AUTS2: variants seen among roughly 807,000 people sequenced by gnomAD.
AUTS2 encodes autism susceptibility gene 2 protein.
A neutral mutation model predicts 112.4 loss-of-function variants in AUTS2; 17 were observed. The observed-to-expected ratio is 0.15, with a 90% CI of 0.10 to 0.23. The LOEUF (loss-of-function observed/expected upper bound fraction) is 0.23, where lower values mean the gene tolerates loss of function less well. Among genes scored for constraint, AUTS2 ranks in the 10% least tolerant of loss-of-function variants. The pLI, the probability that AUTS2 is intolerant of heterozygous loss-of-function variation, is 1.00. For synonymous variants in AUTS2, 751 were observed against 702.7 expected, an observed-to-expected ratio of 1.07 and a Z score of -1.09; for missense variants, 1,510 against 1,701.6, an observed-to-expected ratio of 0.89 and a Z score of 1.98.
intron 2 of AUTS2, among the ~76,000 whole-genome samples, chr7:69,925,667 C>T (rs576370204): frequency 6.6e-6 from 1 of 152,096 alleles, no homozygotes; most frequent in African/African-American, 2.4e-5. Flanking sequence ...TTCAAGTGAT[C>T]CTCTCATATC....
chr7:70,483,445 T>C (rs926046034), intron 5 of AUTS2, among the ~76,000 whole-genome samples: 2 of 152,170 alleles, frequency 1.3e-5, no homozygotes, highest in African/African-American at 4.8e-5. Context: ...GCCCATGACT[T>C]AGATGTGTTA....
chr7:69,976,720 T>C (rs1279380001), intron 2 of AUTS2, among the ~76,000 whole-genome samples: 1 of 152,246 alleles, frequency 6.6e-6, no homozygotes, highest in Admixed American at 6.5e-5. Flanking sequence ...TGAGAATCTT[T>C]GTTGGCTACC....
At chr7:69,800,119 T>G (rs1336519383) in intron 1 of AUTS2, among the ~76,000 whole-genome samples, 1 of 152,172 alleles carries the variant, frequency 6.6e-6, no homozygotes, top group Admixed American at 6.5e-5. Context: ...ATCAAACCAG[T>G]GTAAGTCAGA....
At chr7:69,928,763 GGCAGCT>G (rs1168363143) in intron 2 of AUTS2, among the ~76,000 whole-genome samples, 1 of 152,034 alleles carries the variant, frequency 6.6e-6, no homozygotes, top group South Asian at 2.1e-4. Context: ...GCCACATCTA[GGCAGCT>G]GCAGCTGCAG....
intron 4 of AUTS2, among the ~76,000 whole-genome samples, chr7:70,205,048 T>G (rs757374511): frequency 6.6e-6 from 1 of 152,056 alleles, no homozygotes; most frequent in Non-Finnish European, 1.5e-5. Flanking sequence ...TTGTTTGGTT[T>G]GGTTGGGTTT....
intron 5 of AUTS2, among the ~76,000 whole-genome samples, chr7:70,465,397 G>A (rs1255594457): frequency 3.9e-5 from 6 of 152,156 alleles, no homozygotes; most frequent in Admixed American, 2.0e-4. Context: ...TTTAGGATAG[G>A]CTACAGGGTA....
chr7:69,960,549 A>G (rs1053761674), intron 2 of AUTS2, among the ~76,000 whole-genome samples: 2 of 152,198 alleles, frequency 1.3e-5, no homozygotes, highest in Non-Finnish European at 2.9e-5. Context: ...GGGAGTAGGT[A>G]TATGATTTGT....
chr7:69,796,964 T>G (rs558426699), intron 1 of AUTS2, among the ~76,000 whole-genome samples: 122 of 152,310 alleles, frequency 8.0e-4, no homozygotes, highest in Admixed American at 1.8e-3. Flanking sequence ...GAGTTTTGAA[T>G]TAACTAGGCT....
chr7:69,866,389 G>T (rs1198729502), intron 1 of AUTS2, among the ~76,000 whole-genome samples: 1 of 152,036 alleles, frequency 6.6e-6, no homozygotes, highest in Non-Finnish European at 1.5e-5. Flanking sequence ...AGCCCAGCTT[G>T]GATGCCTTTT....
intron 1 of AUTS2, among the ~76,000 whole-genome samples, chr7:69,862,375 G>A (rs989068751): frequency 1.3e-5 from 2 of 152,144 alleles, no homozygotes; most frequent in African/African-American, 2.4e-5. Context: ...AAATGAAAAC[G>A]AACCCACAAA....
chr7:70,491,858 G>T (rs537016967), intron 5 of AUTS2, among the ~76,000 whole-genome samples: 3 of 152,032 alleles, frequency 2.0e-5, no homozygotes, highest in East Asian at 3.9e-4. Context: ...CAGGTAATCC[G>T]CCCGCCTCGG....
intron 2 of AUTS2, among the ~76,000 whole-genome samples, chr7:69,920,802 A>T (rs931342471): frequency 1.5e-4 from 23 of 152,182 alleles, no homozygotes; most frequent in African/African-American, 5.5e-4. Flanking sequence ...CATGTTTTAC[A>T]TGCATTCTCT....
At chr7:70,171,897 T>A (rs1475708575) in intron 4 of AUTS2, among the ~76,000 whole-genome samples, 1 of 116,478 alleles carries the variant, frequency 8.6e-6, no homozygotes, top group South Asian at 3.0e-4. Flanking sequence ...TAAACAAGTT[T>A]TTTTTTTTGG....
chr7:69,707,839 C>T (rs1798136399), intron 1 of AUTS2, among the ~76,000 whole-genome samples: 1 of 152,176 alleles, frequency 6.6e-6, no homozygotes, highest in African/African-American at 2.4e-5. Context: ...GACATTTTAA[C>T]CCCATTTGGG....
intron 6 of AUTS2, among the ~76,000 whole-genome samples, chr7:70,757,739 A>T (rs1789303633): frequency 7.5e-6 from 1 of 133,324 alleles, no homozygotes; most frequent in Admixed American, 7.8e-5. Flanking sequence ...TCCAGTTCTC[A>T]CTCCTCCCAA....
At chr7:69,707,950 A>T (rs1798141459) in intron 1 of AUTS2, among the ~76,000 whole-genome samples, 1 of 152,134 alleles carries the variant, frequency 6.6e-6, no homozygotes, top group African/African-American at 2.4e-5. Context: ...TGTTGTAAAT[A>T]AAATGGCTAG....
At chr7:70,053,043 C>T (rs1801826456) in intron 2 of AUTS2, among the ~76,000 whole-genome samples, 2 of 152,142 alleles carry the variant, frequency 1.3e-5, no homozygotes, top group Admixed American at 1.3e-4. Context: ...GTGCTATTTG[C>T]TTCAAGGGAT....
intron 1 of AUTS2, among the ~76,000 whole-genome samples, chr7:69,881,462 T>C: frequency 6.6e-6 from 1 of 152,188 alleles, no homozygotes; most frequent in African/African-American, 2.4e-5. Flanking sequence ...TTTGTATGCA[T>C]TTATTTTCTT....
intron 5 of AUTS2, among the ~76,000 whole-genome samples, chr7:70,438,820 A>G (rs1439483929): frequency 1.3e-5 from 2 of 152,140 alleles, no homozygotes; most frequent in Admixed American, 6.5e-5. Flanking sequence ...AAAAGATGCC[A>G]CTCAGTGTCC....
Sources: gnomAD v4.1 joint callset for allele counts (sites outside exome capture counted in the v4.1 genomes callset) on GRCh38, gnomAD v4.1.1 for gene constraint, MANE v1.5 for transcripts, NCBI Gene and HGNC (gene_info 2026-07-23, HGNC 2026-07-21) for gene names.